Variants in SNRNP70 observed in about 807,000 individuals in gnomAD.
SNRNP70 encodes the protein small nuclear ribonucleoprotein U1 subunit 70, also known as U1 small nuclear ribonucleoprotein 70 kDa.
A neutral mutation model predicts 50.5 loss-of-function variants in SNRNP70; 8 were observed. The observed-to-expected ratio is 0.16, with a 90% confidence interval of 0.09 to 0.29. The LOEUF (loss-of-function observed/expected upper bound fraction) is 0.29, where lower values mean the gene tolerates loss of function less well. SNRNP70 is among the 10% of genes least tolerant of loss of function. The pLI, the probability that SNRNP70 is intolerant of heterozygous loss-of-function variation, is 1.00. For synonymous variants in SNRNP70, 320 were observed against 252.9 expected (o/e 1.27, Z -2.52); for missense variants, 529 against 663.5 (o/e 0.80, Z 2.23).
Position 49,097,390 on chromosome 19 carries a change from G to C in SNRNP70, c.266-1037G>C, listed in dbSNP as rs192778870. Among the ~76,000 whole-genome samples the C allele has an allele frequency of 2.5e-3, 378 of 152,224 alleles. 1 individual carries two copies. Among genetic ancestry groups the C allele is most frequent in the African/African-American group, 7.4e-3 (309 of 41,524 alleles). On this transcript the variant is annotated intron_variant, in intron 4 of 9. Coordinates refer to ENST00000598441, the MANE Select transcript of SNRNP70 (RefSeq NM_003089.6). The stretch of plus-strand genomic sequence containing the variant: ...CAGCACTGTGTCTGGGCCATAGTAC[G>C]TGTTCAGTAAATTATATGTCTAATG...
intron 2 of SNRNP70, among the ~76,000 whole-genome samples, chr19:49,089,110 TGAA>T (rs2040417553): frequency 6.6e-6 from 1 of 152,230 alleles, no homozygotes; most frequent in Non-Finnish European, 1.5e-5. Context: ...CTGTCTTTGG[TGAA>T]GGACAGATAC....
At chr19:49,093,338 G>T (rs998060438) in intron 4 of SNRNP70, among the ~76,000 whole-genome samples, 1 of 151,750 alleles carries the variant, frequency 6.6e-6, no homozygotes, top group Non-Finnish European at 1.5e-5. Flanking sequence ...TGCCCGCCTC[G>T]GTCTCCCAAA....
In SNRNP70 at chr19:49,098,723, G is replaced by T; in HGVS notation, c.393+19G>T. 3.7e-6 allele frequency: 6 copies of T among 1,608,916 alleles called. No homozygotes were observed. Among genetic ancestry groups the T allele is most frequent in the Non-Finnish European group, 5.1e-6 (6 of 1,175,278 alleles). The stretch of plus-strand genomic sequence containing the variant: ...CAAAAGAGTAAGTGGAGTGGGTCAG[G>T]GTGTTTGAATTGGGGGTGCATGGAG... On this transcript the variant is annotated intron_variant, in intron 6 of 9. Transcript: ENST00000598441.
At chr19:49,102,926 C>T (rs2040608704) in intron 7 of SNRNP70, 2 of 152,804 alleles carry the variant, frequency 1.3e-5, no homozygotes, top group Non-Finnish European at 2.9e-5. Context: ...GGACTCTGAA[C>T]CCGAGCGGGG....
chr19:49,090,213 C>T, intron 2 of SNRNP70, 78 bp from the exon 3 acceptor site: 4 of 1,290,384 alleles, frequency 3.1e-6, no homozygotes, highest in Non-Finnish European at 4.5e-6. Flanking sequence ...GAGGGTTAAC[C>T]TGTTTATTTC....
In SNRNP70 at chr19:49,086,518, A is replaced by T; in HGVS notation, c.104A>T (p.Asn35Ile). The change falls in exon 2 of 10, where the codon AAT becomes ATT. Residue 35 changes from asparagine to isoleucine, a missense_variant. Asn to Ile is a moderately radical substitution (Grantham distance 149). Around this residue, in one of 4 missense-constraint regions of SNRNP70, gnomAD observed 149 missense variants for 259.7 expected, o/e 0.57. Coordinates refer to ENST00000598441, the MANE Select transcript of SNRNP70 (RefSeq NM_003089.6). ...AAACTGCCACATGAAAAACACCACAATCAACCTTATTGTGGCATTGCGCCG... is the reference window on the plus strand; with the variant it reads ...AAACTGCCACATGAAAAACACCACATTCAACCTTATTGTGGCATTGCGCCG... The part of the protein sequence containing the change: ...LEKLPHEKHH[N>I]QPYCGIAPYI... 6.2e-7 allele frequency: 1 copy of T among 1,613,932 alleles called. No individual in the cohort carries two copies. Among genetic ancestry groups the T allele is most frequent in the Admixed American group, 1.7e-5 (1 of 59,986 alleles).
At chr19:49,091,385 G>A (rs1441171708) in intron 4 of SNRNP70, among the ~76,000 whole-genome samples, 2 of 151,002 alleles carry the variant, frequency 1.3e-5, no homozygotes, top group Non-Finnish European at 3.0e-5. Flanking sequence ...AAAAAAAAAA[G>A]ATTATACCGT....
At position 49,104,793 on chromosome 19, in the gene SNRNP70, C is replaced by G. The variant is rs901578990; in HGVS notation, c.577+58C>G. On this transcript the variant is annotated intron_variant, in intron 8 of 9. Coordinates refer to ENST00000598441, the MANE Select transcript of SNRNP70 (RefSeq NM_003089.6). This position sits in a 1 kb window ranked among gnomAD's most constrained non-coding sequence, Gnocchi z 5.4. ...GGGCCCTGGGCCTGGTGGCCTTGTT[C>G]TCCCTTCTCTGCTGCTTTCTGCTTC... 2 of 1,092,400 alleles carry G rather than the reference C, an allele frequency of 1.8e-6. No homozygotes were observed. The highest frequency in any genetic ancestry group is 3.2e-5 in the African/African-American group (2 of 62,694). The allele number at this position is 1,092,400 out of a possible 1,614,324, so 67.7% of individuals were successfully genotyped here.
Sources: gnomAD v4.1 joint callset for allele counts (sites outside exome capture counted in the v4.1 genomes callset) on GRCh38, gnomAD v4.1.1 for gene constraint, gnomAD v4.1.1 regional missense constraint, Gnocchi (gnomAD v3.1) non-coding constraint, MANE v1.5 for transcripts, NCBI Gene and HGNC (gene_info 2026-07-23, HGNC 2026-07-21) for gene names.